The following MALRD1 variants were observed in gnomAD, a reference collection of about 807,000 sequenced individuals.
The protein encoded by MALRD1 is MAM and LDL-receptor class A domain-containing protein 1.
A neutral mutation model predicts 242.1 loss-of-function variants in MALRD1; 247 were observed. That is an observed-to-expected ratio of 1.02 (90% confidence interval 0.92 to 1.13). The LOEUF (loss-of-function observed/expected upper bound fraction) is 1.13. Among genes scored for constraint, MALRD1 ranks in the 50% most tolerant of loss-of-function variants. The pLI is 0.00. For synonymous variants in MALRD1, 995 were observed against 866.6 expected (o/e 1.15, Z -2.60); for missense variants, 2,989 against 2,533.1 (o/e 1.18, Z -3.86).
intron 36 of MALRD1, among the ~76,000 whole-genome samples, chr10:19,645,881 T>C (rs1564512851): frequency 6.6e-6 from 1 of 151,606 alleles, no homozygotes; most frequent in East Asian, 1.9e-4. Flanking sequence ...AGTATAATAA[T>C]AAAAAAAAAG....
At chr10:19,427,978 T>C (rs1833964515) in intron 28 of MALRD1, among the ~76,000 whole-genome samples, 1 of 152,152 alleles carries the variant, frequency 6.6e-6, no homozygotes, top group African/African-American at 2.4e-5. Context: ...TCAAATTGCA[T>C]ACACTAATTT....
intron 36 of MALRD1, among the ~76,000 whole-genome samples, chr10:19,663,501 C>CT (rs1345218008): frequency 6.6e-6 from 1 of 152,008 alleles, no homozygotes; most frequent in Non-Finnish European, 1.5e-5. Context: ...ATGCAGGTGT[C>CT]TTTTTTTAAT....
intron 38 of MALRD1, among the ~76,000 whole-genome samples, chr10:19,728,864 G>A (rs552177203): frequency 1.2e-3 from 178 of 152,150 alleles, no homozygotes; most frequent in Non-Finnish European, 2.2e-3. Flanking sequence ...TTACTACTCC[G>A]AGAATTTAAC....
At chr10:19,282,923 G>T (rs935541277) in intron 20 of MALRD1, 96 bp from the exon 21 acceptor site, 4 of 839,302 alleles carry the variant, frequency 4.8e-6, no homozygotes, top group Admixed American at 4.0e-5. Flanking sequence ...AGTTACATTA[G>T]AATTAAAAAC....
intron 29 of MALRD1, among the ~76,000 whole-genome samples, chr10:19,456,349 T>C (rs368915981): frequency 2.6e-4 from 39 of 151,346 alleles, no homozygotes; most frequent in African/African-American, 9.1e-4. Context: ...TTTGCATCTT[T>C]CATTTTTTTC....
chr10:19,455,131 T>G (rs1427668702), intron 29 of MALRD1, among the ~76,000 whole-genome samples: 1 of 152,192 alleles, frequency 6.6e-6, no homozygotes, highest in East Asian at 1.9e-4. Flanking sequence ...TGACAGATTA[T>G]AAATTTGATG....
intron 33 of MALRD1, among the ~76,000 whole-genome samples, chr10:19,575,490 C>G (rs1334324655): frequency 6.6e-6 from 1 of 151,152 alleles, no homozygotes; most frequent in African/African-American, 2.4e-5. Flanking sequence ...GGTTCACACA[C>G]ACACACACAC....
rs148728510 is a variant in MALRD1 at position 19,454,395 on chromosome 10, T to G, written c.5029+3905T>G. 2.0e-3 allele frequency among the ~76,000 whole-genome samples: 232 copies of G among 115,434 alleles called. 4 individuals carry two copies. In the East Asian group the frequency reaches 0.044, roughly 22 times the overall value. The allele number at this position is 115,434 out of a possible 152,430, so 75.7% of individuals were successfully genotyped here. The stretch of plus-strand genomic sequence containing the variant: ...GTGAGTAGAAATGAGGAAAGGTAGA[T>G]TATGCATATGATATATATATATATA... On this transcript the variant is annotated intron_variant, in intron 29 of 39. Transcript: ENST00000454679.
Position 19,531,230 on chromosome 10 carries a change from G to A in MALRD1, c.5357G>A (p.Gly1786Asp), listed in dbSNP as rs376844894. 1.1e-4 allele frequency: 174 copies of A among 1,550,260 alleles called. No homozygotes were observed. The East Asian group carries it at 1.4e-3, about 12-fold the overall frequency. Residue 1786 changes from glycine (G) to aspartate (D), a missense_variant, in exon 32 of 40, where the codon GGC (glycine) becomes GAC (aspartate). Physicochemically the swap from Gly to Asp is moderately conservative, Grantham distance 94. Transcript: ENST00000454679. ...CACTTCCTGTACGTCAACTCATCTGGCTCCAAGGAAGGATCCGTTGCCAGA... is the reference window on the plus strand; with the variant it reads ...CACTTCCTGTACGTCAACTCATCTGACTCCAAGGAAGGATCCGTTGCCAGA... ...GQHFLYVNSS[G>D]SKEGSVARIT...
chr10:19,052,236 A>G (rs73591905), intron 1 of MALRD1: 10,465 of 239,984 alleles, frequency 0.044, 733 homozygotes, highest in African/African-American at 0.17. Flanking sequence ...CCCCCCATTC[A>G]ATTTAAGTAG....
At chr10:19,534,752 A>C (rs1254530312) in intron 32 of MALRD1, among the ~76,000 whole-genome samples, 5 of 152,286 alleles carry the variant, frequency 3.3e-5, no homozygotes, top group African/African-American at 9.6e-5. Flanking sequence ...ATTATGAAGA[A>C]TATTTTGACA....
chr10:19,271,909 A>G (rs1840267357), intron 19 of MALRD1, among the ~76,000 whole-genome samples: 1 of 152,206 alleles, frequency 6.6e-6, no homozygotes, highest in South Asian at 2.1e-4. Context: ...ACCTTGAGAG[A>G]TGAGCAATGA....
chr10:19,605,129 A>G (rs1838543114), intron 34 of MALRD1, among the ~76,000 whole-genome samples: 1 of 151,098 alleles, frequency 6.6e-6, no homozygotes, highest in South Asian at 2.1e-4. Flanking sequence ...AATTTCTACC[A>G]TTTGATTACA....
intron 18 of MALRD1, among the ~76,000 whole-genome samples, chr10:19,252,639 C>A (rs1250589009): frequency 6.6e-6 from 1 of 151,938 alleles, no homozygotes; most frequent in Non-Finnish European, 1.5e-5. Context: ...TTTATTTTGT[C>A]TCTACTATTA....
At chr10:19,636,977 CTA>C (rs1451386739) in intron 36 of MALRD1, among the ~76,000 whole-genome samples, 5 of 149,558 alleles carry the variant, frequency 3.3e-5, no homozygotes, top group African/African-American at 1.2e-4. Context: ...AATTTTAAAA[CTA>C]TACAAAATTG....
At chr10:19,716,429 C>T (rs1834393251) in intron 38 of MALRD1, among the ~76,000 whole-genome samples, 1 of 152,156 alleles carries the variant, frequency 6.6e-6, no homozygotes, top group Non-Finnish European at 1.5e-5. Flanking sequence ...CTCTCTTGCT[C>T]CTGCCCCAGC....
At chr10:19,604,889 A>T (rs1210464351) in intron 34 of MALRD1, among the ~76,000 whole-genome samples, 1 of 152,186 alleles carries the variant, frequency 6.6e-6, no homozygotes, top group Non-Finnish European at 1.5e-5. Context: ...TATTATGGTT[A>T]TCTGGAACTG....
chr10:19,439,070 C>G (rs931011189), intron 28 of MALRD1, among the ~76,000 whole-genome samples: 1 of 152,126 alleles, frequency 6.6e-6, no homozygotes, highest in Non-Finnish European at 1.5e-5. Flanking sequence ...AAAATTCTCA[C>G]AGATTATACT....
intron 17 of MALRD1, among the ~76,000 whole-genome samples, chr10:19,206,802 A>G (rs931851422): frequency 7.9e-5 from 12 of 152,208 alleles, no homozygotes; most frequent in African/African-American, 2.9e-4. Context: ...GTCAGCACCA[A>G]GACAGACAAT....
Sources: gnomAD v4.1 joint callset for allele counts (sites outside exome capture counted in the v4.1 genomes callset) on GRCh38, gnomAD v4.1.1 for gene constraint, MANE v1.5 for transcripts, NCBI Gene and HGNC (gene_info 2026-07-23, HGNC 2026-07-21) for gene names.